Variants in SORCS3 observed in about 807,000 individuals in gnomAD.
SORCS3 encodes VPS10 domain-containing receptor SorCS3.
SORCS3 carries 57 observed loss-of-function variants against 146.3 expected under a neutral mutation model. That is an observed-to-expected ratio of 0.39 (90% CI 0.31 to 0.49). SORCS3 has a LOEUF of 0.49. Among genes scored for constraint, SORCS3 ranks in the 20% least tolerant of loss-of-function variants. SORCS3 has a pLI of 0.92. For missense variants in SORCS3, 1,341 were observed against 1,575.5 expected, an observed-to-expected ratio of 0.85 and a Z score of 2.52; for synonymous variants, 653 against 618.5, an observed-to-expected ratio of 1.06 and a Z score of -0.83.
chr10:104,809,190 C>G (rs1311369053), intron 1 of SORCS3, among the ~76,000 whole-genome samples: 2 of 152,226 alleles, frequency 1.3e-5, no homozygotes, highest in Non-Finnish European at 2.9e-5. Context: ...TGTCATTCAT[C>G]TCCCAAGACT....
At position 104,844,833 on chromosome 10, in the gene SORCS3, A is replaced by G. The variant is rs2018185393; in HGVS notation, c.695+1974A>G. ...CTCCTGGATAAACCAGGATGACCTC[A>G]TCTTGAGATCCTTAACTTAATGACA... On this transcript the variant is annotated intron_variant, in intron 2 of 26. Coordinates refer to ENST00000369701, the MANE Select transcript of SORCS3 (RefSeq NM_014978.3). Among the ~76,000 whole-genome samples, 3 of 152,168 alleles carry G rather than the reference A, an allele frequency of 2.0e-5. No homozygotes were observed. In the South Asian group the frequency reaches 6.2e-4, roughly 32 times the overall value.
At chr10:105,189,739 CCT>C (rs1476707403) in intron 14 of SORCS3, among the ~76,000 whole-genome samples, 3 of 152,130 alleles carry the variant, frequency 2.0e-5, no homozygotes, top group Admixed American at 6.5e-5. Context: ...CTTGAGCAGG[CCT>C]TAGTTTCCCC....
chr10:105,130,987 C>T (rs891944278), intron 7 of SORCS3, among the ~76,000 whole-genome samples: 3 of 152,096 alleles, frequency 2.0e-5, no homozygotes, highest in Non-Finnish European at 4.4e-5. Flanking sequence ...ATGGCAGAAG[C>T]AACTAATTCA....
chr10:104,979,862 C>T (rs1446320255), intron 4 of SORCS3, among the ~76,000 whole-genome samples: 1 of 152,086 alleles, frequency 6.6e-6, no homozygotes, highest in African/African-American at 2.4e-5. Flanking sequence ...GTAAATTATT[C>T]AGATGTCATT....
chr10:104,875,568 G>A (rs1278521011), intron 2 of SORCS3, among the ~76,000 whole-genome samples: 1 of 152,072 alleles, frequency 6.6e-6, no homozygotes, highest in African/African-American at 2.4e-5. Context: ...TTCATTACTG[G>A]GAGCTTCAGA....
At chr10:104,717,988 A>G (rs1014497106) in intron 1 of SORCS3, among the ~76,000 whole-genome samples, 66 of 151,966 alleles carry the variant, frequency 4.3e-4, no homozygotes, top group African/African-American at 1.6e-3. Flanking sequence ...TAAAAATACA[A>G]AAATAAAATT....
chr10:104,797,975 C>T (rs1001769311), intron 1 of SORCS3, among the ~76,000 whole-genome samples: 2 of 152,184 alleles, frequency 1.3e-5, no homozygotes, highest in African/African-American at 2.4e-5. Context: ...ATAAGTCTAA[C>T]AAGCCCAGAA....
At chr10:105,005,647 T>A (rs559346112) in intron 4 of SORCS3, among the ~76,000 whole-genome samples, 121 of 152,282 alleles carry the variant, frequency 7.9e-4, no homozygotes, top group Non-Finnish European at 1.2e-3. Flanking sequence ...CATGGTTCTG[T>A]CTCATCTTTG....
chr10:105,143,262 G>T (rs886730190), intron 8 of SORCS3, among the ~76,000 whole-genome samples: 1 of 151,934 alleles, frequency 6.6e-6, no homozygotes, highest in Non-Finnish European at 1.5e-5. Context: ...TTTATGATTT[G>T]TTTTTGTGGA....
intron 12 of SORCS3, among the ~76,000 whole-genome samples, chr10:105,165,016 T>G (rs2056300416): frequency 6.6e-6 from 1 of 152,214 alleles, no homozygotes; most frequent in Non-Finnish European, 1.5e-5. Flanking sequence ...TATGGAGCAC[T>G]TGAAATATGA....
At chr10:104,659,084 G>A (rs1460237207) in intron 1 of SORCS3, among the ~76,000 whole-genome samples, 1 of 152,056 alleles carries the variant, frequency 6.6e-6, no homozygotes, top group Non-Finnish European at 1.5e-5. Context: ...ATCACAACAT[G>A]GTATTAAATT....
chr10:104,757,483 G>A (rs1348948828), intron 1 of SORCS3, among the ~76,000 whole-genome samples: 1 of 152,164 alleles, frequency 6.6e-6, no homozygotes, highest in Non-Finnish European at 1.5e-5. Flanking sequence ...GTCTCCCTGT[G>A]TGCCACAGTT....
intron 6 of SORCS3, among the ~76,000 whole-genome samples, chr10:105,096,269 A>G (rs1437448662): frequency 6.6e-6 from 1 of 152,124 alleles, no homozygotes; most frequent in Non-Finnish European, 1.5e-5. Flanking sequence ...GACATGTAGG[A>G]TTGAGAACCA....
chr10:105,195,184 A>C (rs1203499198), intron 14 of SORCS3, among the ~76,000 whole-genome samples: 2 of 152,204 alleles, frequency 1.3e-5, no homozygotes, highest in Admixed American at 1.3e-4. Flanking sequence ...CCCCTGTAAA[A>C]GTACTACACA....
At chr10:105,211,095 T>G (rs2056630573) in intron 16 of SORCS3, 42 bp from the exon 17 acceptor site, 5 of 1,424,464 alleles carry the variant, frequency 3.5e-6, no homozygotes, top group Non-Finnish European at 5.0e-6. Flanking sequence ...ATTTTAGCGT[T>G]TGTACATATA....
At chr10:104,749,226 G>GGTGT (rs60550253) in intron 1 of SORCS3, among the ~76,000 whole-genome samples, 1,651 of 140,972 alleles carry the variant, frequency 0.012, 17 homozygotes, top group African/African-American at 0.024. Flanking sequence ...CAAAGTATAG[G>GGTGT]GTGTGTGTGT....
intron 1 of SORCS3, among the ~76,000 whole-genome samples, chr10:104,655,790 C>T (rs1228100983): frequency 6.6e-6 from 1 of 152,170 alleles, no homozygotes; most frequent in East Asian, 1.9e-4. Flanking sequence ...CTCCGCCTTG[C>T]TCCTGCTTCT....
chr10:104,948,432 T>C (rs1242332937), intron 3 of SORCS3, among the ~76,000 whole-genome samples: 2 of 152,058 alleles, frequency 1.3e-5, no homozygotes, highest in African/African-American at 2.4e-5. Flanking sequence ...GGACTCTCAG[T>C]GTGGAGGTAA....
intron 1 of SORCS3, among the ~76,000 whole-genome samples, chr10:104,692,504 C>G (rs899121785): frequency 4.6e-5 from 7 of 152,202 alleles, no homozygotes; most frequent in African/African-American, 1.4e-4. Context: ...TAATACTTCT[C>G]TGTTCTCCAT....
Sources: allele counts gnomAD v4.1 joint callset (sites outside exome capture counted in the v4.1 genomes callset), GRCh38; gene constraint gnomAD v4.1.1; transcripts MANE v1.5; gene names NCBI Gene and HGNC (gene_info 2026-07-23, HGNC 2026-07-21).